Variants in ANKRD62 observed in about 807,000 individuals in gnomAD.
ANKRD62 encodes ankyrin repeat domain-containing protein 62.
Under a neutral mutation model 98.8 loss-of-function variants are expected in ANKRD62, and 61 were observed. That is an observed-to-expected ratio of 0.62 (90% CI 0.50 to 0.76). The LOEUF (loss-of-function observed/expected upper bound fraction) is 0.76. Among genes scored for constraint, ANKRD62 ranks in the 30% least tolerant of loss-of-function variants. The pLI is 0.00. For synonymous variants in ANKRD62, 341 were observed against 367.9 expected, an observed-to-expected ratio of 0.93 and a Z score of 0.84; for missense variants, 933 against 1,082.9, an observed-to-expected ratio of 0.86 and a Z score of 1.94.
the ANKRD62 span, among the ~76,000 whole-genome samples, chr18:12,160,736 A>G: frequency 4.7e-3 from 716 of 152,174 alleles, 3 homozygotes; most frequent in African/African-American, 0.017. Context: ...TATTTCTTTA[A>G]TCATGAAATT....
At chr18:12,153,507 G>C in the ANKRD62 span, among the ~76,000 whole-genome samples, 1 of 150,232 alleles carries the variant, frequency 6.7e-6, no homozygotes, top group African/African-American at 2.5e-5. Context: ...CAAGAGAATC[G>C]CTTGAACCTG....
At chr18:12,126,658 T>A (rs954657156) in intron 13 of ANKRD62, among the ~76,000 whole-genome samples, 47 of 152,234 alleles carry the variant, frequency 3.1e-4, no homozygotes, top group African/African-American at 9.2e-4. Flanking sequence ...AATGTAGTCT[T>A]ACACTGCTGA....
intron 1 of ANKRD62, 61 bp downstream of exon 1, chr18:12,094,296 T>C: frequency 7.8e-7 from 1 of 1,285,322 alleles, no homozygotes. Context: ...CTGTTCCTGG[T>C]TTCGGGGTAG....
chr18:12,102,895 G>C, intron 6 of ANKRD62: 1 of 585,610 alleles, frequency 1.7e-6, no homozygotes, highest in Non-Finnish European at 2.3e-6. Flanking sequence ...TTGTTGGGTG[G>C]ATTCATTTGT....
At chr18:12,109,963 A>AC (rs1275529744) in intron 8 of ANKRD62, among the ~76,000 whole-genome samples, 3 of 151,848 alleles carry the variant, frequency 2.0e-5, no homozygotes, top group African/African-American at 7.2e-5. Flanking sequence ...AAAAAAAAAA[A>AC]AAAAAAAACA....
intron 10 of ANKRD62, among the ~76,000 whole-genome samples, chr18:12,117,743 C>T (rs979748374): frequency 4.6e-5 from 7 of 152,140 alleles, no homozygotes; most frequent in Admixed American, 3.3e-4. Context: ...CTACTGTTTT[C>T]CGTTGTTAAT....
the ANKRD62 span, among the ~76,000 whole-genome samples, chr18:12,180,964 A>G: frequency 2.9e-5 from 4 of 138,588 alleles, no homozygotes; most frequent in African/African-American, 8.1e-5. Context: ...AACAGGCCCC[A>G]GTGTGTGATG....
At chr18:12,159,556 T>A in the ANKRD62 span, among the ~76,000 whole-genome samples, 19 of 152,188 alleles carry the variant, frequency 1.2e-4, no homozygotes, top group South Asian at 2.9e-3. Context: ...ATAAGTAGAG[T>A]CTATAGGTTA....
the ANKRD62 span, among the ~76,000 whole-genome samples, chr18:12,138,756 ATAGT>A: frequency 6.6e-6 from 1 of 152,112 alleles, no homozygotes; most frequent in African/African-American, 2.4e-5. Flanking sequence ...CATATTTAGG[ATAGT>A]TAGTTCTTGT....
At position 12,094,081 on chromosome 18, in the gene ANKRD62, C is replaced by T. The variant is rs751996158; in HGVS notation, c.64C>T (p.Arg22Cys). The T allele has an allele frequency of 1.6e-5, 25 of 1,534,826 alleles. No homozygotes were observed. The highest frequency in any genetic ancestry group is 4.8e-5 in the South Asian group (4 of 84,008). The change falls in exon 1 of 14, where the codon CGT becomes TGT. Residue 22 changes from arginine (R) to cysteine (C), a missense_variant. This residue lies in a region of ANKRD62 where 549 missense variants were observed against 587.9 expected (regional missense o/e 0.93). Transcript: ENST00000587848. ...RRRMATWRKN[R>C]DKDGFSNPGY... ...ACGCATGGCTACCTGGAGGAAGAAT[C>T]GTGACAAGGATGGCTTCTCAAATCC...
chr18:12,107,221 G>A (rs1311454682), intron 7 of ANKRD62, 74 bp from the exon 8 acceptor site: 2 of 1,016,754 alleles, frequency 2.0e-6, no homozygotes, highest in South Asian at 2.6e-5. Context: ...GTGATTAAAT[G>A]AATGAACACA....
At chr18:12,157,813 G>T in the ANKRD62 span, among the ~76,000 whole-genome samples, 1 of 152,216 alleles carries the variant, frequency 6.6e-6, no homozygotes, top group South Asian at 2.1e-4. Flanking sequence ...TCCTGAGCAG[G>T]TCTTAAAGGT....
intron 10 of ANKRD62, among the ~76,000 whole-genome samples, chr18:12,118,482 G>A (rs1298602063): frequency 1.1e-4 from 16 of 151,920 alleles, no homozygotes; most frequent in Admixed American, 2.0e-4. Context: ...GGTGGCGGGC[G>A]CCTGTAATCC....
At chr18:12,151,349 A>G in the ANKRD62 span, among the ~76,000 whole-genome samples, 1 of 152,206 alleles carries the variant, frequency 6.6e-6, no homozygotes, top group Non-Finnish European at 1.5e-5. Context: ...GGAGACTTTA[A>G]CGCTCCATTG....
the ANKRD62 span, among the ~76,000 whole-genome samples, chr18:12,174,954 C>G: frequency 4.6e-5 from 7 of 152,384 alleles, no homozygotes; most frequent in South Asian, 1.2e-3. Context: ...GCAGTGACAG[C>G]AGGATTCTCA....
chr18:12,111,926 A>G (rs528436508), intron 8 of ANKRD62, among the ~76,000 whole-genome samples: 63 of 152,196 alleles, frequency 4.1e-4, no homozygotes, highest in Non-Finnish European at 5.7e-4. Flanking sequence ...CCTGGCCAAC[A>G]TGGTGAAACC....
chr18:12,141,302 C>T, the ANKRD62 span, among the ~76,000 whole-genome samples: 6 of 152,216 alleles, frequency 3.9e-5, no homozygotes, highest in Admixed American at 6.5e-5. Flanking sequence ...TTGCACTTCC[C>T]GGGTGAGGTG....
At chr18:12,144,952 G>A in the ANKRD62 span, among the ~76,000 whole-genome samples, 3 of 144,592 alleles carry the variant, frequency 2.1e-5, no homozygotes, top group African/African-American at 7.8e-5. Flanking sequence ...GAGGCCAGCT[G>A]GGCAACATGG....
At chr18:12,178,269 A>C in the ANKRD62 span, among the ~76,000 whole-genome samples, 1 of 150,152 alleles carries the variant, frequency 6.7e-6, no homozygotes, top group Non-Finnish European at 1.5e-5. Context: ...TATTGAGGGG[A>C]GCAGTGGGAA....
Sources: allele counts gnomAD v4.1 joint callset (sites outside exome capture counted in the v4.1 genomes callset), GRCh38; gene constraint gnomAD v4.1.1; regional missense constraint gnomAD v4.1.1; transcripts MANE v1.5; gene names NCBI Gene and HGNC (gene_info 2026-07-23, HGNC 2026-07-21).